DPH1: variants seen among roughly 807,000 people sequenced by gnomAD.
The protein encoded by DPH1 is 2-(3-amino-3-carboxypropyl)histidine synthase subunit 1.
In DPH1, 59 loss-of-function variants were observed where a neutral mutation model predicts 55.3. That is an observed-to-expected ratio of 1.07 (90% confidence interval 0.87 to 1.33). DPH1 has a LOEUF of 1.33. Ranked by LOEUF, DPH1 falls within the 40% of genes most tolerant of loss-of-function variation. The probability of loss-of-function intolerance (pLI) is 0.00; values close to 1 mark genes in which losing one functional copy is unlikely to be tolerated. For missense variants in DPH1, 628 were observed against 584.8 expected, an observed-to-expected ratio of 1.07 and a Z score of -0.76; for synonymous variants, 238 against 235.5, an observed-to-expected ratio of 1.01 and a Z score of -0.10.
intron 6 of DPH1, 93 bp downstream of exon 6, chr17:2,037,049 C>T: frequency 6.6e-7 from 1 of 1,517,240 alleles, no homozygotes; most frequent in South Asian, 1.3e-5. Flanking sequence ...GAAACCAAAT[C>T]TAATGCTCCT....
chr17:2,041,154 C>T lies in DPH1; in HGVS notation c.1059C>T (p.Phe353=), dbSNP rs1213215646. The T allele has an allele frequency of 6.2e-7, 1 of 1,605,988 alleles. No individual in the cohort carries two copies. The highest frequency in any genetic ancestry group is 2.2e-5 in the East Asian group (1 of 44,754). Residue 353 remains phenylalanine, a synonymous_variant, in exon 10 of 13, where the codon TTC becomes TTT. Transcript: ENST00000263083. Reference sequence around the variant, plus strand: ...TCTCCATTGACTGGGGCACAGCCTTCCCCAAGCCGCTGCTGACACCCTATG... The same window carrying T: ...TCTCCATTGACTGGGGCACAGCCTTTCCCAAGCCGCTGCTGACACCCTATG... ...PRLSIDWGTA[F]PKPLLTPYEA...
Position 2,036,792 on chromosome 17 carries a change from C to G in DPH1, c.559-43C>G. The G allele has an allele frequency of 6.2e-7, 1 of 1,609,392 alleles. No homozygotes were observed. The highest frequency in any genetic ancestry group is 8.5e-7 in the Non-Finnish European group (1 of 1,177,676). ...CAGGCTGTTTCTCAGCCCTGGCTCTCCTGCCCCAGCCGCTGGCTTCACTTC... is the reference window on the plus strand; with the variant it reads ...CAGGCTGTTTCTCAGCCCTGGCTCTGCTGCCCCAGCCGCTGGCTTCACTTC... On this transcript the variant is annotated intron_variant, in intron 5 of 12. Coordinates refer to ENST00000263083, the MANE Select transcript of DPH1 (RefSeq NM_001383.6). The surrounding 1 kb of genome is among the most constrained non-coding windows in gnomAD (Gnocchi z 4.8).
chr17:2,042,787 G>C lies in DPH1; in HGVS notation c.*201G>C. On this transcript the variant is annotated 3_prime_UTR_variant, in exon 13 of 13. Transcript: ENST00000263083. Reference sequence around the variant, plus strand: ...CCTTCTTGGTTTCAGCCAAGGGGCTGCGCTAGCAGCCCTTGTGTGTGCCCT... The same window carrying C: ...CCTTCTTGGTTTCAGCCAAGGGGCTCCGCTAGCAGCCCTTGTGTGTGCCCT... 6.2e-7 allele frequency: 1 copy of C among 1,613,198 alleles called. No individual in the cohort carries two copies. Among genetic ancestry groups the C allele is most frequent in the Non-Finnish European group, 8.5e-7 (1 of 1,179,764 alleles).
Position 2,043,235 on chromosome 17 carries a change from A to T in DPH1, c.*649A>T, listed in dbSNP as rs1413385326. On this transcript the variant is annotated 3_prime_UTR_variant, in exon 13 of 13. Coordinates refer to ENST00000263083, the MANE Select transcript of DPH1 (RefSeq NM_001383.6). Reference sequence around the variant, plus strand: ...CAGAACCAGTTAAGAGACAACTATCAATTCTTGAGACCCAAATTATAAGGG... The same window carrying T: ...CAGAACCAGTTAAGAGACAACTATCTATTCTTGAGACCCAAATTATAAGGG... 5 of 1,141,608 alleles carry T rather than the reference A, an allele frequency of 4.4e-6. No homozygotes were observed. The highest frequency in any genetic ancestry group is 6.2e-6 in the Non-Finnish European group (5 of 811,900). 70.7% of individuals were successfully genotyped at this position (1,141,608 alleles called of 1,614,324 possible). A position where few individuals can be genotyped will look rare whatever the true frequency, so the allele number is the denominator to read the frequency against.
At chr17:2,032,954 G>C (rs913380069) in intron 1 of DPH1, among the ~76,000 whole-genome samples, 1 of 152,196 alleles carries the variant, frequency 6.6e-6, no homozygotes, top group African/African-American at 2.4e-5. Context: ...GGATGGTCTC[G>C]ATCTCCTGAT....
At chr17:2,031,584 A>G (rs2067333063) in intron 1 of DPH1, among the ~76,000 whole-genome samples, 1 of 150,032 alleles carries the variant, frequency 6.7e-6, no homozygotes, top group Admixed American at 6.7e-5. Context: ...AAAAAAAAAA[A>G]AAAATTAGCC....
At position 2,033,782 on chromosome 17, in the gene DPH1, C is replaced by T. The variant is rs1467251634; in HGVS notation, c.218C>T (p.Ala73Val). Residue 73 changes from alanine (A) to valine (V), a missense_variant, in exon 3 of 13, where the codon GCC becomes GTC. By Grantham distance (64) the Ala-to-Val change is moderately conservative. Transcript: ENST00000263083. ...RIQQAQAKKV[A>V]LQMPEGLLLF... Reference sequence around the variant, plus strand: ...CATGTCTCTGCTCGTCTTGCAGTGGCCTTGCAAATGCCGGAAGGCCTCCTC... The same window carrying T: ...CATGTCTCTGCTCGTCTTGCAGTGGTCTTGCAAATGCCGGAAGGCCTCCTC... 1 of 1,614,246 alleles carries T rather than the reference C, an allele frequency of 6.2e-7. No homozygotes were observed. The highest frequency in any genetic ancestry group is 2.2e-5 in the East Asian group (1 of 44,888).
Position 2,042,862 on chromosome 17 carries a change from G to A in DPH1, c.*276G>A, listed in dbSNP as rs766365678. 1.2e-6 allele frequency: 2 copies of A among 1,614,182 alleles called. No homozygotes were observed. Among genetic ancestry groups the A allele is most frequent in the Non-Finnish European group, 1.7e-6 (2 of 1,180,030 alleles). Reference sequence around the variant, plus strand: ...CCCCTTGCCACGGTTTATCCTCTTGGTGTCTGGTTTCTGTCCCCGGGGCAT... The same window carrying A: ...CCCCTTGCCACGGTTTATCCTCTTGATGTCTGGTTTCTGTCCCCGGGGCAT... On this transcript the variant is annotated 3_prime_UTR_variant, in exon 13 of 13. Coordinates refer to ENST00000263083, the MANE Select transcript of DPH1 (RefSeq NM_001383.6).
intron 7 of DPH1, 79 bp from the exon 8 acceptor site, chr17:2,040,139 G>A (rs1276733122): frequency 5.1e-6 from 8 of 1,568,002 alleles, no homozygotes; most frequent in East Asian, 4.5e-5. Context: ...AGGAGCCCAC[G>A]GGGCTGAGTC....
Position 2,043,675 on chromosome 17 carries a change from C to T in DPH1, c.*1089C>T, listed in dbSNP as rs1256106158. On this transcript the variant is annotated 3_prime_UTR_variant, in exon 13 of 13. Coordinates refer to ENST00000263083, the MANE Select transcript of DPH1 (RefSeq NM_001383.6). ...ATACATCTGAGAAGTTTTGGGAAGA[C>T]ATCACCTGGCAAGGCTGCCTGAACC... is the stretch of plus-strand genomic sequence containing the variant. The T allele has an allele frequency of 6.5e-6, 1 of 153,390 alleles. No homozygotes were observed. Among genetic ancestry groups the T allele is most frequent in the Admixed American group, 6.5e-5 (1 of 15,452 alleles). The allele number at this position is 153,390 out of a possible 1,614,324, so 9.5% of individuals were successfully genotyped here. A position where few individuals can be genotyped will look rare whatever the true frequency, so the allele number is the denominator to read the frequency against.
At position 2,036,377 on chromosome 17, in the gene DPH1, T is replaced by G. The variant is rs1301887785; in HGVS notation, c.401-152T>G. 2.6e-6 allele frequency: 3 copies of G among 1,132,574 alleles called. No individual in the cohort carries two copies. The highest frequency in any genetic ancestry group is 3.0e-5 in the South Asian group (2 of 66,590). 70.2% of individuals were successfully genotyped at this position (1,132,574 alleles called of 1,614,324 possible). A position where few individuals can be genotyped will look rare whatever the true frequency, so the allele number is the denominator to read the frequency against. On this transcript the variant is annotated intron_variant, in intron 4 of 12. Coordinates refer to ENST00000263083, the MANE Select transcript of DPH1 (RefSeq NM_001383.6). This position sits in a 1 kb window ranked among gnomAD's most constrained non-coding sequence, Gnocchi z 4.8. ...AGAGAAGTCTGATTGAGAAGGAGCT[T>G]CTAGGGGATCTGTGACCCCCCTCTT... is the stretch of plus-strand genomic sequence containing the variant.
At position 2,040,593 on chromosome 17, in the gene DPH1, C is replaced by G; in HGVS notation, c.995C>G (p.Pro332Arg). ...EIFPSKLSLL[P>R]EVDVWVQVAC... is the part of the protein sequence containing the mutation. Reference sequence around the variant, plus strand: ...TTCCCCAGCAAGCTTAGCCTACTTCCTGAGGTGGATGTGTGAGTATCTGCC... The same window carrying G: ...TTCCCCAGCAAGCTTAGCCTACTTCGTGAGGTGGATGTGTGAGTATCTGCC... Residue 332 changes from proline to arginine, a missense_variant, in exon 9 of 13, where the codon CCT becomes CGT. By Grantham distance (103) the Pro-to-Arg change is moderately radical. Transcript: ENST00000263083. 1 of 1,614,194 alleles carries G rather than the reference C, an allele frequency of 6.2e-7. No homozygotes were observed. The highest frequency in any genetic ancestry group is 8.5e-7 in the Non-Finnish European group (1 of 1,180,022).
chr17:2,038,291 C>CTGGGG (rs1219122316), intron 6 of DPH1, among the ~76,000 whole-genome samples: 1 of 152,094 alleles, frequency 6.6e-6, no homozygotes, highest in East Asian at 1.9e-4. Flanking sequence ...AGTCACTCAA[C>CTGGGG]CTGGGTGACA....
chr17:2,039,615 G>A, intron 6 of DPH1, 140 bp from the exon 7 acceptor site: 3 of 919,640 alleles, frequency 3.3e-6, no homozygotes, highest in Non-Finnish European at 5.3e-6. Flanking sequence ...CTGACCTCAT[G>A]ATCCGCCCGC....
rs571578741 is a variant in DPH1 at position 2,041,403 on chromosome 17, G to A, written c.1087-78G>A. 74 of 1,548,118 alleles carry A rather than the reference G, an allele frequency of 4.8e-5. No homozygotes were observed. In the East Asian group the frequency reaches 1.5e-3, roughly 32 times the overall value. ...GGGGACAGTGTGCCCTTCACAGGCCGTCGTGAGGACTGAATTCAGTAATCC... is the reference window on the plus strand; with the variant it reads ...GGGGACAGTGTGCCCTTCACAGGCCATCGTGAGGACTGAATTCAGTAATCC... On this transcript the variant is annotated intron_variant, in intron 10 of 12. Coordinates refer to ENST00000263083, the MANE Select transcript of DPH1 (RefSeq NM_001383.6).
chr17:2,036,039 A>C lies in DPH1; in HGVS notation c.348A>C (p.Thr116=), dbSNP rs774494541. The C allele has an allele frequency of 1.2e-6, 2 of 1,613,874 alleles. No individual in the cohort carries two copies. Among genetic ancestry groups the C allele is most frequent in the African/African-American group, 1.3e-5 (1 of 74,894 alleles). Residue 116 remains threonine, a synonymous_variant, in exon 4 of 13, where the codon ACA becomes ACC. Transcript: ENST00000263083. The surrounding 1 kb of genome is among the most constrained non-coding windows in gnomAD (Gnocchi z 4.8). ...TYGACCVDDF[T]ARALGADFLV... ...GGGCTTGCTGTGTGGATGACTTCAC[A>C]GCGAGGGCCCTGGGAGCTGACTTCT...
In DPH1 at chr17:2,036,426, C is replaced by T; in HGVS notation, c.401-103C>T. On this transcript the variant is annotated intron_variant, in intron 4 of 12. Transcript: ENST00000263083. This position sits in a 1 kb window ranked among gnomAD's most constrained non-coding sequence, Gnocchi z 4.8. ...TTCTCCTACCCTGTCCTTTTACCCC[C>T]AGGCTGAAGCCACTGCGCCTGGCTG... 1 of 1,455,076 alleles carries T rather than the reference C, an allele frequency of 6.9e-7. No individual in the cohort carries two copies. The highest frequency in any genetic ancestry group is 9.4e-7 in the Non-Finnish European group (1 of 1,060,100). The allele number at this position is 1,455,076 out of a possible 1,614,324, so 90.1% of individuals were successfully genotyped here.
In DPH1 at chr17:2,030,212, C is replaced by G; in HGVS notation, c.43C>G (p.Arg15Gly). The G allele has an allele frequency of 3.8e-6, 6 of 1,594,112 alleles. No homozygotes were observed. The highest frequency in any genetic ancestry group is 5.1e-6 in the Non-Finnish European group (6 of 1,171,382). ...ATCCGGGGCAGCGGAGCAGGGCGGC[C>G]GAGACGGCCCTGGCAGAGGTGGGTG... ...VVSGAAEQGG[R>G]DGPGRGRAPR... Residue 15 changes from arginine (R) to glycine (G), a missense_variant, in exon 1 of 13, where the codon CGA becomes GGA. By Grantham distance (125) the Arg-to-Gly change is moderately radical. Transcript: ENST00000263083.
Position 2,040,518 on chromosome 17 carries a change from G to T in DPH1, c.920G>T (p.Arg307Leu). Residue 307 changes from arginine to leucine, a missense_variant, in exon 9 of 13, where the codon CGA (arginine) becomes CTA (leucine). Transcript: ENST00000263083. ...CTCTCCCAACAGCACCTGGAATCTC[G>T]ACTCCGAGCCTTGGGCCTTTCCTTT... Reference protein sequence around the residue: ...SPKILEHLESRLRALGLSFVR... With the variant: ...SPKILEHLESLLRALGLSFVR... 1 of 1,614,138 alleles carries T rather than the reference G, an allele frequency of 6.2e-7. No individual in the cohort carries two copies. Among genetic ancestry groups the T allele is most frequent in the Non-Finnish European group, 8.5e-7 (1 of 1,180,032 alleles).
Sources: allele counts gnomAD v4.1 joint callset (sites outside exome capture counted in the v4.1 genomes callset), GRCh38; gene constraint gnomAD v4.1.1; non-coding constraint Gnocchi (gnomAD v3.1); transcripts MANE v1.5; gene names NCBI Gene and HGNC (gene_info 2026-07-23, HGNC 2026-07-21).